Variants in PDGFD observed in about 807,000 individuals in gnomAD.
PDGFD encodes the protein platelet derived growth factor D.
A neutral mutation model predicts 44.7 loss-of-function variants in PDGFD; 30 were observed. The ratio of observed to expected loss-of-function variants is 0.67; its 90% confidence interval spans 0.50 to 0.91. The LOEUF is 0.91. Among genes scored for constraint, PDGFD ranks in the 40% least tolerant of loss-of-function variants. The probability of loss-of-function intolerance (pLI) is 0.00; values close to 1 mark genes in which losing one functional copy is unlikely to be tolerated. For missense variants in PDGFD, 445 were observed against 457.8 expected (o/e 0.97, Z 0.25); for synonymous variants, 173 against 168.4 (o/e 1.03, Z -0.21).
At chr11:104,113,659 T>A (rs1458794202) in intron 1 of PDGFD, among the ~76,000 whole-genome samples, 1 of 151,902 alleles carries the variant, frequency 6.6e-6, no homozygotes. Context: ...GACTGCTAGA[T>A]CATATGATAA....
rs1591158920 is a variant in PDGFD at position 104,090,826 on chromosome 11, C to T, written c.124+72978G>A. The stretch of plus-strand genomic sequence containing the variant: ...GGCAGGTCCAGCAGCTAAGTGCCTT[C>T]CCTCAATTCTGCCTGGAATGTGCCA... On this transcript the variant is annotated intron_variant, in intron 1 of 6. Coordinates refer to ENST00000393158, the MANE Select transcript of PDGFD (RefSeq NM_025208.5). 5.3e-5 allele frequency among the ~76,000 whole-genome samples: 8 copies of T among 152,180 alleles called. No individual in the cohort carries two copies. In the South Asian group the frequency reaches 1.7e-3, roughly 32 times the overall value.
Position 103,909,520 on chromosome 11 carries a change from A to T in PDGFD, c.*174T>A, listed in dbSNP as rs1857994520. ...TCTTAGGTATAGAAGTTGATGATATACCTTTCTACTTGCCATGGCATTAAC... is the reference window on the plus strand; with the variant it reads ...TCTTAGGTATAGAAGTTGATGATATTCCTTTCTACTTGCCATGGCATTAAC... On this transcript the variant is annotated 3_prime_UTR_variant, in exon 7 of 7. Transcript: ENST00000393158. 1 of 716,708 alleles carries T rather than the reference A, an allele frequency of 1.4e-6. No homozygotes were observed. The highest frequency in any genetic ancestry group is 1.8e-5 in the African/African-American group (1 of 56,550). 44.4% of individuals were successfully genotyped at this position (716,708 alleles called of 1,614,324 possible).
In PDGFD at chr11:103,907,460, T is replaced by C. The variant is rs997595445; in HGVS notation, c.*2234A>G. 2 of 152,216 alleles carry C rather than the reference T, an allele frequency of 1.3e-5. No individual in the cohort carries two copies. Among genetic ancestry groups the C allele is most frequent in the African/African-American group, 4.8e-5 (2 of 41,454 alleles). The allele number at this position is 152,216 out of a possible 1,614,324, so 9.4% of individuals were successfully genotyped here. ...TTTTATTCCTTTGATGGCTATCAAA[T>C]AGATTTATTGGCTACATGTTAGAAG... On this transcript the variant is annotated 3_prime_UTR_variant, in exon 7 of 7. Coordinates refer to ENST00000393158, the MANE Select transcript of PDGFD (RefSeq NM_025208.5).
chr11:104,007,156 C>T (rs942693916), intron 1 of PDGFD, among the ~76,000 whole-genome samples: 14 of 152,134 alleles, frequency 9.2e-5, no homozygotes, highest in Admixed American at 4.6e-4. Flanking sequence ...AAGTCCTATG[C>T]GGGGGATCAG....
At chr11:103,998,946 T>G (rs1212405574) in intron 2 of PDGFD, among the ~76,000 whole-genome samples, 2 of 152,194 alleles carry the variant, frequency 1.3e-5, no homozygotes, top group Non-Finnish European at 2.9e-5. Flanking sequence ...AATCTTTTAA[T>G]AGCGTCTTTT....
In PDGFD at chr11:103,908,331, C is replaced by T. The variant is rs908140059; in HGVS notation, c.*1363G>A. The T allele has an allele frequency of 1.3e-5, 2 of 152,116 alleles. No homozygotes were observed. Among genetic ancestry groups the T allele is most frequent in the African/African-American group, 4.8e-5 (2 of 41,410 alleles). 9.4% of individuals were successfully genotyped at this position (152,116 alleles called of 1,614,324 possible). The stretch of plus-strand genomic sequence containing the variant: ...AGAGAGAAAAAATTACTCTAAATAC[C>T]ATTAACCAATGTAAAACAGTTTTCT... On this transcript the variant is annotated 3_prime_UTR_variant, in exon 7 of 7. Coordinates refer to ENST00000393158, the MANE Select transcript of PDGFD (RefSeq NM_025208.5).
chr11:104,051,883 C>A (rs1271445592), intron 1 of PDGFD, among the ~76,000 whole-genome samples: 2 of 151,936 alleles, frequency 1.3e-5, no homozygotes, highest in Admixed American at 6.5e-5. Flanking sequence ...AACATAAAAT[C>A]AACCATTTAA....
chr11:104,095,137 C>T (rs1254488871), intron 1 of PDGFD, among the ~76,000 whole-genome samples: 1 of 152,144 alleles, frequency 6.6e-6, no homozygotes, highest in African/African-American at 2.4e-5. Context: ...ATCTCAGATT[C>T]CTTCTCTGAT....
At chr11:103,993,208 C>T (rs1859485847) in intron 3 of PDGFD, among the ~76,000 whole-genome samples, 2 of 152,012 alleles carry the variant, frequency 1.3e-5, no homozygotes, top group African/African-American at 4.8e-5. Flanking sequence ...GGTGAGGTTA[C>T]AGGCATGTGC....
intron 1 of PDGFD, among the ~76,000 whole-genome samples, chr11:104,034,314 C>G (rs1428959179): frequency 6.9e-6 from 1 of 144,548 alleles, no homozygotes; most frequent in African/African-American, 2.4e-5. Flanking sequence ...TAGAACTTAG[C>G]ACATGCTTCA....
intron 5 of PDGFD, among the ~76,000 whole-genome samples, chr11:103,940,503 TTATTTGACACC>T (rs1858566118): frequency 6.6e-6 from 1 of 152,128 alleles, no homozygotes; most frequent in Non-Finnish European, 1.5e-5. Context: ...AGGCAAAGTT[TTATTTGACACC>T]TAATGGACTT....
chr11:103,998,261 T>C (rs1013394906), intron 2 of PDGFD, among the ~76,000 whole-genome samples: 1 of 152,204 alleles, frequency 6.6e-6, no homozygotes, highest in African/African-American at 2.4e-5. Flanking sequence ...CATTGCCTTT[T>C]GGAAGTACCT....
At chr11:103,929,372 C>T (rs1302466082) in intron 5 of PDGFD, among the ~76,000 whole-genome samples, 1 of 152,094 alleles carries the variant, frequency 6.6e-6, no homozygotes, top group African/African-American at 2.4e-5. Context: ...GGTGAATGGC[C>T]ACATCCTTAT....
rs139091812 is a variant in PDGFD, at chr11:103,994,867, A to G, written c.510+1198T>C. ...TTGTGTCTTGTTATGCATCATTCTCAGTTGTTGCTATTCCTTTTTTTTTTT... is the reference window on the plus strand; with the variant it reads ...TTGTGTCTTGTTATGCATCATTCTCGGTTGTTGCTATTCCTTTTTTTTTTT... On this transcript the variant is annotated intron_variant, in intron 3 of 6. Transcript: ENST00000393158. Among the ~76,000 whole-genome samples, 760 of 147,918 alleles carry G rather than the reference A, an allele frequency of 5.1e-3. 5 individuals are homozygous for G. Among genetic ancestry groups the G allele is most frequent in the African/African-American group, 0.018 (717 of 40,596 alleles).
At chr11:103,936,912 A>T (rs1411101343) in intron 5 of PDGFD, among the ~76,000 whole-genome samples, 1 of 151,630 alleles carries the variant, frequency 6.6e-6, no homozygotes, top group Non-Finnish European at 1.5e-5. Flanking sequence ...GGTAGCCTTG[A>T]ACTACCCGGG....
intron 5 of PDGFD, among the ~76,000 whole-genome samples, chr11:103,935,170 C>T (rs1348731659): frequency 2.0e-5 from 3 of 152,116 alleles, no homozygotes; most frequent in Non-Finnish European, 4.4e-5. Flanking sequence ...ATTTGAATGA[C>T]ATGCCTAGAT....
At chr11:103,947,749 A>G (rs1591089239) in intron 3 of PDGFD, 25 bp from the exon 4 acceptor site, 3 of 1,583,772 alleles carry the variant, frequency 1.9e-6, no homozygotes, top group Non-Finnish European at 2.6e-6. Context: ...AACATCTGTG[A>G]GTCAGTCAAA....
At chr11:103,978,460 AGATGTCTCTTTTTAT>A (rs1320356260) in intron 3 of PDGFD, among the ~76,000 whole-genome samples, 1 of 152,076 alleles carries the variant, frequency 6.6e-6, no homozygotes, top group Non-Finnish European at 1.5e-5. Context: ...AAATTAATTA[AGATGTCTCTTTTTAT>A]GGGACTTAAA....
chr11:103,983,532 C>A (rs180899549), intron 3 of PDGFD, among the ~76,000 whole-genome samples: 10 of 151,750 alleles, frequency 6.6e-5, no homozygotes, highest in Non-Finnish European at 8.8e-5. Flanking sequence ...GATAAATATG[C>A]CAAAAACAAC....
Sources: gnomAD v4.1 joint callset for allele counts (sites outside exome capture counted in the v4.1 genomes callset) on GRCh38, gnomAD v4.1.1 for gene constraint, MANE v1.5 for transcripts, NCBI Gene and HGNC (gene_info 2026-07-23, HGNC 2026-07-21) for gene names.